WWOX: variants seen among roughly 807,000 people sequenced by gnomAD.
WWOX encodes the protein WW domain containing oxidoreductase, also known as WW domain-containing oxidoreductase.
Under a neutral mutation model 46.2 loss-of-function variants are expected in WWOX, and 69 were observed. The ratio of observed to expected loss-of-function variants is 1.49; its 90% confidence interval spans 1.23 to 1.82. WWOX has a LOEUF of 1.82. Among genes scored for constraint, WWOX ranks in the 40% most tolerant of loss-of-function variants. The pLI is 0.00. For missense variants in WWOX, 919 were observed against 542.6 expected, an observed-to-expected ratio of 1.69 and a Z score of -6.89; for synonymous variants, 359 against 202.6, an observed-to-expected ratio of 1.77 and a Z score of -6.56.
intron 8 of WWOX, among the ~76,000 whole-genome samples, chr16:78,951,327 C>T (rs1380203859): frequency 1.2e-5 from 1 of 81,466 alleles, no homozygotes; most frequent in Non-Finnish European, 2.4e-5. Context: ...GGAGAGAAAG[C>T]TCCTTTCCTA....
intron 8 of WWOX, among the ~76,000 whole-genome samples, chr16:78,954,383 G>C (rs184915463): frequency 7.0e-4 from 106 of 152,278 alleles, no homozygotes; most frequent in African/African-American, 2.4e-3. Flanking sequence ...TGTTTGGGTG[G>C]ATGAACAGAT....
At chr16:78,992,752 C>T (rs1255612399) in intron 8 of WWOX, among the ~76,000 whole-genome samples, 1 of 152,068 alleles carries the variant, frequency 6.6e-6, no homozygotes, top group Non-Finnish European at 1.5e-5. Flanking sequence ...TGCCAGGGTC[C>T]CTGACTCCCG....
At chr16:79,166,840 A>G (rs1321328350) in intron 8 of WWOX, among the ~76,000 whole-genome samples, 4 of 152,116 alleles carry the variant, frequency 2.6e-5, no homozygotes, top group Admixed American at 6.5e-5. Flanking sequence ...CAAATAAACT[A>G]TTTTTCCATG....
chr16:79,008,472 A>G (rs2047234569), intron 8 of WWOX, among the ~76,000 whole-genome samples: 1 of 152,096 alleles, frequency 6.6e-6, no homozygotes, highest in African/African-American at 2.4e-5. Flanking sequence ...ATCCCATCAT[A>G]TTCACAGTTG....
intron 8 of WWOX, among the ~76,000 whole-genome samples, chr16:78,470,564 C>G (rs890132969): frequency 2.0e-5 from 3 of 152,142 alleles, no homozygotes; most frequent in Non-Finnish European, 4.4e-5. Flanking sequence ...GAATCTTGCT[C>G]TGTCGCCCAG....
intron 8 of WWOX, among the ~76,000 whole-genome samples, chr16:78,951,878 T>C (rs1180548114): frequency 6.6e-6 from 1 of 152,176 alleles, no homozygotes; most frequent in Admixed American, 6.5e-5. Flanking sequence ...CACTCTTCAA[T>C]GGATGTGGGT....
chr16:78,543,110 G>A (rs144717135), intron 8 of WWOX, among the ~76,000 whole-genome samples: 1 of 152,346 alleles, frequency 6.6e-6, no homozygotes, highest in East Asian at 1.9e-4. Context: ...GTCCAGTGTG[G>A]GCTGGCATGT....
Position 78,336,338 on chromosome 16 carries a change from A to C in WWOX, c.517-50522A>C, listed in dbSNP as rs1274090052. 9.3e-3 allele frequency among the ~76,000 whole-genome samples: 1,391 copies of C among 150,064 alleles called. 11 individuals carry two copies. The highest frequency in any genetic ancestry group is 0.015 in the Non-Finnish European group (1,034 of 67,546). On this transcript the variant is annotated intron_variant, in intron 5 of 8. Transcript: ENST00000566780. ...AAATACAAAAATAACACCAAAAAAA[A>C]AAAAAAAAACCACAACAAATTAGCC...
At chr16:79,015,631 A>C (rs1227027480) in intron 8 of WWOX, among the ~76,000 whole-genome samples, 4 of 152,134 alleles carry the variant, frequency 2.6e-5, no homozygotes, top group Non-Finnish European at 5.9e-5. Context: ...TTGGAAGCAC[A>C]CCACTGTGGG....
chr16:78,360,901 G>T (rs11150065), intron 5 of WWOX, among the ~76,000 whole-genome samples: 1 of 151,210 alleles, frequency 6.6e-6, no homozygotes, highest in Non-Finnish European at 1.5e-5. Context: ...GGTTACTGCA[G>T]CCTCCACCTC....
At chr16:78,890,321 ATTCTTAAATT>A (rs2044561827) in intron 8 of WWOX, 1 of 151,880 alleles carries the variant, frequency 6.6e-6, no homozygotes, top group Non-Finnish European at 1.5e-5. Context: ...CCTCTCCATC[ATTCTTAAATT>A]TGACCTCCAT....
At chr16:78,565,733 C>T (rs555578078) in intron 8 of WWOX, among the ~76,000 whole-genome samples, 24 of 152,288 alleles carry the variant, frequency 1.6e-4, no homozygotes, top group Admixed American at 4.6e-4. Context: ...TTCACGTTCC[C>T]TCATCCATAG....
At chr16:78,424,821 T>A (rs1457613519) in intron 6 of WWOX, 49 bp from the exon 7 acceptor site, 1 of 1,606,546 alleles carries the variant, frequency 6.2e-7, no homozygotes, top group Non-Finnish European at 8.5e-7. Flanking sequence ...TGGATTATCC[T>A]TGGTTGTAGT....
intron 8 of WWOX, among the ~76,000 whole-genome samples, chr16:78,684,977 G>A (rs1006913551): frequency 1.3e-5 from 2 of 152,136 alleles, no homozygotes; most frequent in African/African-American, 4.8e-5. Context: ...GGCCTCTTTG[G>A]GGAGTGTTCT....
At chr16:78,823,781 A>ATTT (rs11417162) in intron 8 of WWOX, among the ~76,000 whole-genome samples, 3 of 147,650 alleles carry the variant, frequency 2.0e-5, no homozygotes, top group East Asian at 2.0e-4. Flanking sequence ...TAGACTTGTT[A>ATTT]TTTTTTTTTT....
At chr16:78,659,110 AAAC>A (rs955965991) in intron 8 of WWOX, among the ~76,000 whole-genome samples, 1 of 149,842 alleles carries the variant, frequency 6.7e-6, no homozygotes, top group African/African-American at 2.5e-5. Flanking sequence ...ACAAACAAAC[AAAC>A]AAAAAAAAAA....
At chr16:78,795,346 A>C (rs1388457810) in intron 8 of WWOX, among the ~76,000 whole-genome samples, 1 of 152,050 alleles carries the variant, frequency 6.6e-6, no homozygotes, top group Non-Finnish European at 1.5e-5. Context: ...CTGAAAGCTG[A>C]CTCTTTAACA....
chr16:78,921,606 C>G (rs892538389), intron 8 of WWOX, among the ~76,000 whole-genome samples: 1 of 152,142 alleles, frequency 6.6e-6, no homozygotes, highest in Non-Finnish European at 1.5e-5. Context: ...GAAACTGGAG[C>G]TCAGGGAGGT....
At chr16:78,410,091 C>T (rs906839415) in intron 6 of WWOX, among the ~76,000 whole-genome samples, 1 of 152,162 alleles carries the variant, frequency 6.6e-6, no homozygotes, top group African/African-American at 2.4e-5. Context: ...AGTGAGTTCA[C>T]ATGATATCTG....
Sources: gnomAD v4.1 joint callset for allele counts (sites outside exome capture counted in the v4.1 genomes callset) on GRCh38, gnomAD v4.1.1 for gene constraint, MANE v1.5 for transcripts, NCBI Gene and HGNC (gene_info 2026-07-23, HGNC 2026-07-21) for gene names.